Variants in PROZ observed in about 807,000 individuals in gnomAD.
PROZ encodes protein Z, vitamin K dependent plasma glycoprotein.
PROZ carries 46 observed loss-of-function variants against 34.9 expected under a neutral mutation model. The observed-to-expected ratio is 1.32, with a 90% confidence interval of 1.04 to 1.69. The LOEUF (loss-of-function observed/expected upper bound fraction) is 1.69. Among genes scored for constraint, PROZ ranks in the 40% most tolerant of loss-of-function variants. PROZ has a pLI of 0.00. For synonymous variants in PROZ, 195 were observed against 208.5 expected (o/e 0.94, Z 0.56); for missense variants, 530 against 520.4 (o/e 1.02, Z -0.18).
In PROZ at chr13:113,172,067, T is replaced by A. The variant is rs1478073207; in HGVS notation, c.1165T>A (p.Ser389Thr). The change falls in exon 8 of 8, where the codon TCC becomes ACC. Residue 389 changes from serine (S) to threonine (T), a missense_variant. Physicochemically the swap from Ser to Thr is moderately conservative, Grantham distance 58. Coordinates refer to ENST00000375547, the MANE Select transcript of PROZ (RefSeq NM_003891.3). ...TCACATGGTCCTTGTCACCAAGGTC[T>A]CCAGGTACTCACTCTGGTTTAAACA... The part of the protein sequence containing the change: ...QAHMVLVTKV[S>T]RYSLWFKQIM... 6.2e-7 allele frequency: 1 copy of A among 1,613,034 alleles called. No individual in the cohort carries two copies.
rs2037129651 is a variant in PROZ at position 113,172,186 on chromosome 13, A to G, written c.*81A>G. 2 of 1,552,564 alleles carry G rather than the reference A, an allele frequency of 1.3e-6. No individual in the cohort carries two copies. The highest frequency in any genetic ancestry group is 1.4e-5 in the African/African-American group (1 of 73,770). On this transcript the variant is annotated 3_prime_UTR_variant, in exon 8 of 8. Transcript: ENST00000375547. The stretch of plus-strand genomic sequence containing the variant: ...GCACTGCCACTGTGGAGGGCGCTGA[A>G]ACTTCATCACACACTGAGAGGCCGT...
At chr13:113,169,858 T>G (rs2037056917) in intron 6 of PROZ, among the ~76,000 whole-genome samples, 1 of 152,234 alleles carries the variant, frequency 6.6e-6, no homozygotes, top group Non-Finnish European at 1.5e-5. Context: ...TGAAAACTGC[T>G]AGGCATGTGG....
Position 113,159,616 on chromosome 13 carries a change from T to C in PROZ, c.71-398T>C, listed in dbSNP as rs185317632. Among the ~76,000 whole-genome samples the C allele has an allele frequency of 2.6e-5, 4 of 152,336 alleles. No individual in the cohort carries two copies. Among genetic ancestry groups the C allele is most frequent in the African/African-American group, 9.6e-5 (4 of 41,570 alleles). On this transcript the variant is annotated intron_variant, in intron 1 of 7. Coordinates refer to ENST00000375547, the MANE Select transcript of PROZ (RefSeq NM_003891.3). This position sits in a 1 kb window ranked among gnomAD's most constrained non-coding sequence, Gnocchi z 4.6. ...TTCTTTATGTGTTTTATCAAGATGT[T>C]AAATGCTGCGCACAGAGGCAGCACA...
rs2037096290 is a variant in PROZ, at chr13:113,171,047, C to G, written c.691+517C>G. Among the ~76,000 whole-genome samples, 1 of 152,012 alleles carries G rather than the reference C, an allele frequency of 6.6e-6. No individual in the cohort carries two copies. Among genetic ancestry groups the G allele is most frequent in the South Asian group, 2.1e-4 (1 of 4,808 alleles). Reference sequence around the variant, plus strand: ...AAGCGATTCTCATGCCTCAGCCTCCCGAGTAGCTGGGACTACAGGCATGCA... The same window carrying G: ...AAGCGATTCTCATGCCTCAGCCTCCGGAGTAGCTGGGACTACAGGCATGCA... On this transcript the variant is annotated intron_variant, in intron 7 of 7. Transcript: ENST00000375547. The surrounding 1 kb of genome is among the most constrained non-coding windows in gnomAD (Gnocchi z 5.1).
In PROZ at chr13:113,159,344, C is replaced by A. The variant is rs575992230; in HGVS notation, c.70+614C>A. 5.7e-5 allele frequency: 79 copies of A among 1,387,010 alleles called. 1 individual carries two copies. The highest frequency in any genetic ancestry group is 3.5e-4 in the Middle Eastern group (2 of 5,712). 85.9% of individuals were successfully genotyped at this position (1,387,010 alleles called of 1,614,324 possible). ...TGGTCTCCCACCCTGAGAGGGTGATCCCCCCGCCCTGCCCTGCCCAGCACT... is the reference window on the plus strand; with the variant it reads ...TGGTCTCCCACCCTGAGAGGGTGATACCCCCGCCCTGCCCTGCCCAGCACT... On this transcript the variant is annotated intron_variant, in intron 1 of 7. Transcript: ENST00000375547. This position sits in a 1 kb window ranked among gnomAD's most constrained non-coding sequence, Gnocchi z 4.6.
chr13:113,166,743 C>G (rs937225017), intron 6 of PROZ, among the ~76,000 whole-genome samples: 2 of 152,216 alleles, frequency 1.3e-5, no homozygotes, highest in African/African-American at 4.8e-5. Flanking sequence ...GCTGTCTGCC[C>G]CATGAGTGCG....
At chr13:113,163,355 T>A (rs1232272531) in intron 4 of PROZ, among the ~76,000 whole-genome samples, 1 of 152,042 alleles carries the variant, frequency 6.6e-6, no homozygotes, top group Non-Finnish European at 1.5e-5. Flanking sequence ...GCCCCCATAC[T>A]TTTCATAGCA....
At chr13:113,161,257 C>G (rs899236360) in intron 3 of PROZ, among the ~76,000 whole-genome samples, 2 of 152,230 alleles carry the variant, frequency 1.3e-5, no homozygotes, top group Non-Finnish European at 1.5e-5. Flanking sequence ...GGAGGGCCCC[C>G]CCAGAGCAGC....
Position 113,159,112 on chromosome 13 carries a change from C to A in PROZ, c.70+382C>A. The A allele has an allele frequency of 9.1e-7, 1 of 1,104,592 alleles. No individual in the cohort carries two copies. Among genetic ancestry groups the A allele is most frequent in the Middle Eastern group, 2.0e-4 (1 of 5,092 alleles). The allele number at this position is 1,104,592 out of a possible 1,614,324, so 68.4% of individuals were successfully genotyped here. A position where few individuals can be genotyped will look rare whatever the true frequency, so the allele number is the denominator to read the frequency against. On this transcript the variant is annotated intron_variant, in intron 1 of 7. Coordinates refer to ENST00000375547, the MANE Select transcript of PROZ (RefSeq NM_003891.3). The surrounding 1 kb of genome is among the most constrained non-coding windows in gnomAD (Gnocchi z 4.6). ...CAATGTGGGCAGAGAGAGCCTTGGC[C>A]AGGCCAGCCAGGAATGCCCAGTCTT...
intron 6 of PROZ, 146 bp downstream of exon 6, chr13:113,165,266 C>T (rs1329317968): frequency 1.3e-6 from 1 of 765,930 alleles, no homozygotes; most frequent in South Asian, 1.5e-5. Flanking sequence ...CCTCTATTCA[C>T]ACTTCCAACC....
intron 4 of PROZ, among the ~76,000 whole-genome samples, chr13:113,163,385 C>A (rs57259767): frequency 3.9e-5 from 6 of 152,050 alleles, no homozygotes; most frequent in South Asian, 2.1e-4. Context: ...CTCCTCCCCC[C>A]ACCACCTCAA....
chr13:113,158,772 C>T lies in PROZ; in HGVS notation c.70+42C>T. 6.5e-7 allele frequency: 1 copy of T among 1,543,854 alleles called. No individual in the cohort carries two copies. Among genetic ancestry groups the T allele is most frequent in the Non-Finnish European group, 8.8e-7 (1 of 1,136,260 alleles). On this transcript the variant is annotated intron_variant, in intron 1 of 7. Coordinates refer to ENST00000375547, the MANE Select transcript of PROZ (RefSeq NM_003891.3). This position sits in a 1 kb window ranked among gnomAD's most constrained non-coding sequence, Gnocchi z 4.3. ...CCTGTCTGTTGTGCCTGTGCTGTGT[C>T]TTTCTTGACTCGGTCCATGGTGGAT...
rs1202253621 is a variant in PROZ at position 113,159,556 on chromosome 13, G to A, written c.71-458G>A. Among the ~76,000 whole-genome samples, 1 of 152,180 alleles carries A rather than the reference G, an allele frequency of 6.6e-6. No individual in the cohort carries two copies. Among genetic ancestry groups the A allele is most frequent in the East Asian group, 1.9e-4 (1 of 5,192 alleles). On this transcript the variant is annotated intron_variant, in intron 1 of 7. Coordinates refer to ENST00000375547, the MANE Select transcript of PROZ (RefSeq NM_003891.3). The surrounding 1 kb of genome is among the most constrained non-coding windows in gnomAD (Gnocchi z 4.6). ...GTCAACTCATTTGCCTTCTCCTCCT[G>A]GAAATCGCAGAGCCTGCTGCAATGT...
At position 113,159,206 on chromosome 13, in the gene PROZ, A is replaced by C. The variant is rs1262276833; in HGVS notation, c.70+476A>C. ...CCACCCTTCTACCACCAGCCACTTCACTGAAGGAACGACATGGACTCCATT... is the reference window on the plus strand; with the variant it reads ...CCACCCTTCTACCACCAGCCACTTCCCTGAAGGAACGACATGGACTCCATT... On this transcript the variant is annotated intron_variant, in intron 1 of 7. Coordinates refer to ENST00000375547, the MANE Select transcript of PROZ (RefSeq NM_003891.3). The surrounding 1 kb of genome is among the most constrained non-coding windows in gnomAD (Gnocchi z 4.6). 1 of 1,544,022 alleles carries C rather than the reference A, an allele frequency of 6.5e-7. No individual in the cohort carries two copies. The highest frequency in any genetic ancestry group is 1.4e-5 in the African/African-American group (1 of 72,902).
chr13:113,165,328 G>GC, intron 6 of PROZ: 2 of 652,882 alleles, frequency 3.1e-6, no homozygotes, highest in South Asian at 3.4e-5. Flanking sequence ...ATTATTTACA[G>GC]CCCCCAAGAC....
At position 113,172,157 on chromosome 13, in the gene PROZ, G is replaced by A. The variant is rs772914501; in HGVS notation, c.*52G>A. On this transcript the variant is annotated 3_prime_UTR_variant, in exon 8 of 8. Coordinates refer to ENST00000375547, the MANE Select transcript of PROZ (RefSeq NM_003891.3). ...AACACAACCGGAAGCGGGATTCCAA[G>A]CTGGCACTGCCACTGTGGAGGGCGC... is the stretch of plus-strand genomic sequence containing the variant. 6 of 1,597,464 alleles carry A rather than the reference G, an allele frequency of 3.8e-6. 1 individual carries two copies. The Admixed American group carries it at 1.0e-4, about 27-fold the overall frequency.
At position 113,163,130 on chromosome 13, in the gene PROZ, C is replaced by T; in HGVS notation, c.373+8C>T. 1 of 1,542,542 alleles carries T rather than the reference C, an allele frequency of 6.5e-7. No homozygotes were observed. The highest frequency in any genetic ancestry group is 8.8e-7 in the Non-Finnish European group (1 of 1,138,952). On this transcript the variant is annotated splice_region_variant and intron_variant, in intron 4 of 7. Coordinates refer to ENST00000375547, the MANE Select transcript of PROZ (RefSeq NM_003891.3). ...GCAGCAACTGCGAGCTGGGTGAGGC[C>T]CCGGCCGTCCCCTTCCCCCAAGGGC...
chr13:113,161,050 G>T (rs955059134), intron 3 of PROZ, 78 bp downstream of exon 3: 2 of 1,297,600 alleles, frequency 1.5e-6, no homozygotes, highest in Non-Finnish European at 2.2e-6. Flanking sequence ...GACGCTTCAC[G>T]ACCCCAGCTC....
At chr13:113,163,970 T>TC (rs2036832994) in intron 4 of PROZ, among the ~76,000 whole-genome samples, 1 of 150,290 alleles carries the variant, frequency 6.7e-6, no homozygotes, top group Non-Finnish European at 1.5e-5. Flanking sequence ...TGGAGTCTTT[T>TC]TTTTTTTTTA....
Sources: allele counts gnomAD v4.1 joint callset (sites outside exome capture counted in the v4.1 genomes callset), GRCh38; gene constraint gnomAD v4.1.1; non-coding constraint Gnocchi (gnomAD v3.1); transcripts MANE v1.5; gene names NCBI Gene and HGNC (gene_info 2026-07-23, HGNC 2026-07-21).